The following ALDH2 variants were observed in gnomAD, a reference collection of about 807,000 sequenced individuals.
The protein encoded by ALDH2 is aldehyde dehydrogenase, mitochondrial.
A neutral mutation model predicts 59.6 loss-of-function variants in ALDH2; 44 were observed. The ratio of observed to expected loss-of-function variants is 0.74; its 90% CI spans 0.58 to 0.95. The LOEUF (loss-of-function observed/expected upper bound fraction) is 0.95, where lower values mean the gene tolerates loss of function less well. ALDH2 is among the 40% of genes least tolerant of loss of function. ALDH2 has a pLI of 0.00. For missense variants in ALDH2, 570 were observed against 696.3 expected (o/e 0.82, Z 2.04); for synonymous variants, 291 against 284.0 (o/e 1.02, Z -0.25).
intron 2 of ALDH2, 124 bp from the exon 3 acceptor site, chr12:111,783,034 A>T: frequency 7.9e-7 from 1 of 1,268,194 alleles, no homozygotes; most frequent in Non-Finnish European, 1.1e-6. Flanking sequence ...AGCATTGTTT[A>T]CGGGGCAGGT....
chr12:111,782,894 CA>C lies in ALDH2; in HGVS notation c.220-255del, dbSNP rs917238515. On this transcript the variant is annotated intron_variant, in intron 2 of 12. Coordinates refer to ENST00000261733, the MANE Select transcript of ALDH2 (RefSeq NM_000690.4). ...GCGAGATTTCGTCTCAAAAAAAAAA[CA>C]AAAAAAAAGAAAATACAGAAATTAT... 1.8e-3 allele frequency among the ~76,000 whole-genome samples: 260 copies of C among 146,750 alleles called. 1 individual carries two copies. The highest frequency in any genetic ancestry group is 6.0e-3 in the African/African-American group (230 of 38,074).
intron 9 of ALDH2, among the ~76,000 whole-genome samples, chr12:111,797,125 G>A (rs2068411434): frequency 6.6e-6 from 1 of 152,036 alleles, no homozygotes; most frequent in Non-Finnish European, 1.5e-5. Context: ...AGTAGAGACG[G>A]GGTTTCACTA....
intron 10 of ALDH2, among the ~76,000 whole-genome samples, chr12:111,799,599 A>G (rs766134448): frequency 3.3e-5 from 5 of 152,108 alleles, no homozygotes; most frequent in African/African-American, 7.2e-5. Flanking sequence ...ATGAGCCACA[A>G]TGCCCAGCTG....
intron 3 of ALDH2, 74 bp from the exon 4 acceptor site, chr12:111,785,193 G>A: frequency 8.1e-7 from 1 of 1,240,568 alleles, no homozygotes; most frequent in East Asian, 2.3e-5. Context: ...TCCCAGCCTT[G>A]GCGCCCTCTG....
intron 9 of ALDH2, among the ~76,000 whole-genome samples, chr12:111,795,561 G>A (rs111324903): frequency 6.7e-6 from 1 of 150,210 alleles, no homozygotes; most frequent in Non-Finnish European, 1.5e-5. Flanking sequence ...GAGATTACAG[G>A]TGTGAGCCAC....
intron 12 of ALDH2, among the ~76,000 whole-genome samples, chr12:111,805,564 A>G (rs993990258): frequency 6.6e-6 from 1 of 152,112 alleles, no homozygotes; most frequent in Non-Finnish European, 1.5e-5. Flanking sequence ...GGCTCAAGTG[A>G]TTCTCCTGCC....
chr12:111,792,519 C>T, intron 8 of ALDH2, 79 bp from the exon 9 acceptor site: 1 of 1,471,864 alleles, frequency 6.8e-7, no homozygotes, highest in South Asian at 1.3e-5. Flanking sequence ...TGGGAACAGG[C>T]TCCATTGGGC....
intron 1 of ALDH2, among the ~76,000 whole-genome samples, chr12:111,776,959 A>C (rs926010999): frequency 1.3e-5 from 2 of 152,200 alleles, no homozygotes; most frequent in African/African-American, 2.4e-5. Flanking sequence ...TGCTGGGATT[A>C]CAGGGATGAG....
At chr12:111,789,623 G>A (rs929370621) in intron 4 of ALDH2, among the ~76,000 whole-genome samples, 200 bp from the exon 5 acceptor site, 7 of 152,118 alleles carry the variant, frequency 4.6e-5, no homozygotes, top group Admixed American at 6.6e-5. Context: ...AACCCCAGGC[G>A]ATTCTGAGGC....
Position 111,790,499 on chromosome 12 carries a change from T to G in ALDH2, c.618T>G (p.Val206=). 6.2e-7 allele frequency: 1 copy of G among 1,614,182 alleles called. No homozygotes were observed. Among genetic ancestry groups the G allele is most frequent in the Non-Finnish European group, 8.5e-7 (1 of 1,180,042 alleles). The change falls in exon 6 of 13, where the codon GTT becomes GTG. Residue 206 remains valine, a synonymous_variant. Transcript: ENST00000261733. ...LGPALATGNV[V]VMKVAEQTPL... is the part of the protein sequence containing the mutation. ...CAGCCTTGGCAACTGGAAACGTGGT[T>G]GTGATGAAGGTAGCTGAGCAGACAC...
At chr12:111,803,584 A>C (rs2068470712) in intron 11 of ALDH2, among the ~76,000 whole-genome samples, 1 of 152,000 alleles carries the variant, frequency 6.6e-6, no homozygotes, top group Non-Finnish European at 1.5e-5. Flanking sequence ...TTAAAAAAAA[A>C]TTTATTGCCA....
In ALDH2 at chr12:111,808,097, A is replaced by G. The variant is rs1201312470; in HGVS notation, c.1522-1446A>G. On this transcript the variant is annotated intron_variant, in intron 12 of 12. Transcript: ENST00000261733. ...ACCCTGTTGGCCAGGCTGATCTCGAACTCCTGGCCTCAAGTAATCTGCCTG... is the reference window on the plus strand; with the variant it reads ...ACCCTGTTGGCCAGGCTGATCTCGAGCTCCTGGCCTCAAGTAATCTGCCTG... Among the ~76,000 whole-genome samples, 4 of 151,498 alleles carry G rather than the reference A, an allele frequency of 2.6e-5. No homozygotes were observed. In the East Asian group the frequency reaches 5.9e-4, roughly 22 times the overall value.
chr12:111,790,317 C>T (rs984066293), intron 5 of ALDH2, 117 bp from the exon 6 acceptor site: 1 of 1,314,876 alleles, frequency 7.6e-7, no homozygotes, highest in Non-Finnish European at 1.1e-6. Flanking sequence ...TAGGGGAGGA[C>T]ACGCAGGGTT....
chr12:111,793,431 G>A (rs1387912175), intron 9 of ALDH2, among the ~76,000 whole-genome samples: 1 of 152,006 alleles, frequency 6.6e-6, no homozygotes, highest in East Asian at 1.9e-4. Flanking sequence ...AAATAGAGCT[G>A]AACGTACAGA....
chr12:111,773,151 G>A lies in ALDH2; in HGVS notation c.114+6055G>A, dbSNP rs990479858. Among the ~76,000 whole-genome samples, 9 of 152,080 alleles carry A rather than the reference G, an allele frequency of 5.9e-5. No homozygotes were observed. The South Asian group carries it at 1.7e-3, about 28-fold the overall frequency. On this transcript the variant is annotated intron_variant, in intron 1 of 12. Coordinates refer to ENST00000261733, the MANE Select transcript of ALDH2 (RefSeq NM_000690.4). The stretch of plus-strand genomic sequence containing the variant: ...TGTAATCCCAGCTACCTGGGAGGCT[G>A]AGACAGGAGAAACGCTTGAACCCAG...
intron 11 of ALDH2, 101 bp from the exon 12 acceptor site, chr12:111,803,758 A>T: frequency 1.3e-6 from 1 of 743,534 alleles, no homozygotes; most frequent in Non-Finnish European, 1.9e-6. Flanking sequence ...TTTTTTTTTA[A>T]GTTAAAAATA....
At chr12:111,798,012 T>C in intron 9 of ALDH2, 66 bp from the exon 10 acceptor site, 1 of 1,595,186 alleles carries the variant, frequency 6.3e-7, no homozygotes, top group Non-Finnish European at 8.6e-7. Context: ...TGCATAATTC[T>C]AAGCCTGAAG....
intron 2 of ALDH2, 45 bp downstream of exon 2, chr12:111,782,067 CTA>C: frequency 6.9e-7 from 1 of 1,439,338 alleles, no homozygotes; most frequent in South Asian, 1.1e-5. Flanking sequence ...GATTCGTCTT[CTA>C]TTTTATACGT....
intron 11 of ALDH2, among the ~76,000 whole-genome samples, chr12:111,801,393 A>G (rs1593085917): frequency 6.6e-6 from 1 of 152,298 alleles, no homozygotes; most frequent in East Asian, 1.9e-4. Context: ...CTTGAACATA[A>G]CATTGAGTGA....
Sources: gnomAD v4.1 joint callset for allele counts (sites outside exome capture counted in the v4.1 genomes callset) on GRCh38, gnomAD v4.1.1 for gene constraint, MANE v1.5 for transcripts, NCBI Gene and HGNC (gene_info 2026-07-23, HGNC 2026-07-21) for gene names.